The following ZPBP variants were observed in gnomAD, a reference collection of about 807,000 sequenced individuals.
ZPBP encodes zona pellucida-binding protein 1.
A neutral mutation model predicts 44.8 loss-of-function variants in ZPBP; 26 were observed. The observed-to-expected ratio is 0.58, with a 90% CI of 0.43 to 0.81. The LOEUF is 0.81. Ranked by LOEUF, ZPBP falls within the 30% of genes least tolerant of loss-of-function variation. ZPBP has a pLI of 0.00. For missense variants in ZPBP, 409 were observed against 434.0 expected (o/e 0.94, Z 0.51); for synonymous variants, 174 against 153.2 (o/e 1.14, Z -1.00).
intron 2 of ZPBP, among the ~76,000 whole-genome samples, chr7:49,860,892 G>A (rs1324362500): frequency 6.6e-6 from 1 of 152,218 alleles, no homozygotes; most frequent in Non-Finnish European, 1.5e-5. Context: ...GCCAAGGGGA[G>A]AGGCCTCAGC....
chr7:50,007,824 T>G (rs1218026724), intron 6 of ZPBP, among the ~76,000 whole-genome samples: 1 of 151,906 alleles, frequency 6.6e-6, no homozygotes, highest in African/African-American at 2.4e-5. Context: ...TAATGCACTT[T>G]CATAATAAAA....
chr7:49,963,750 C>A (rs372235902), intron 7 of ZPBP, among the ~76,000 whole-genome samples: 361 of 151,804 alleles, frequency 2.4e-3, no homozygotes, highest in Non-Finnish European at 3.6e-3. Context: ...TACTGTCTCA[C>A]AAAGAAAGCT....
chr7:49,986,457 G>C (rs1046378234), intron 6 of ZPBP, among the ~76,000 whole-genome samples: 16 of 152,272 alleles, frequency 1.1e-4, no homozygotes, highest in Admixed American at 4.6e-4. Context: ...AGGCTGGCCA[G>C]CATTCCCTGC....
chr7:50,023,878 C>T (rs1158051719), intron 5 of ZPBP, among the ~76,000 whole-genome samples: 3 of 151,598 alleles, frequency 2.0e-5, no homozygotes, highest in African/African-American at 7.3e-5. Context: ...TTTGATGAGC[C>T]CATCAGTGGG....
chr7:50,084,622 T>C (rs1056787058), intron 2 of ZPBP, among the ~76,000 whole-genome samples: 1 of 151,922 alleles, frequency 6.6e-6, no homozygotes, highest in African/African-American at 2.4e-5. Context: ...GTCAGTATAT[T>C]ATGGGCCAAA....
rs559900560 is a variant in ZPBP, at chr7:49,987,360, T to C, written c.784-3841A>G. Among the ~76,000 whole-genome samples the C allele has an allele frequency of 8.1e-4, 124 of 152,338 alleles. 1 individual carries two copies. Among genetic ancestry groups the C allele is most frequent in the Middle Eastern group, 6.8e-3 (2 of 294 alleles). On this transcript the variant is annotated intron_variant, in intron 6 of 7. Transcript: ENST00000046087. Reference sequence around the variant, plus strand: ...AGATTTTTTTCTCAGTCGACTAAACTATTTTTCTCCATTTTGCCTTGCCTA... The same window carrying C: ...AGATTTTTTTCTCAGTCGACTAAACCATTTTTCTCCATTTTGCCTTGCCTA...
intron 7 of ZPBP, among the ~76,000 whole-genome samples, chr7:49,981,124 G>C (rs891295018): frequency 2.1e-5 from 3 of 142,802 alleles, no homozygotes; most frequent in Non-Finnish European, 4.5e-5. Flanking sequence ...TTTTAAAATT[G>C]TGATTATATA....
chr7:49,949,411 C>T (rs1456047691), intron 7 of ZPBP, among the ~76,000 whole-genome samples: 10 of 152,072 alleles, frequency 6.6e-5, no homozygotes, highest in Admixed American at 2.0e-4. Flanking sequence ...AAATGAAAAA[C>T]AAAATGTGTG....
chr7:49,869,479 T>C (rs1462031012), intron 2 of ZPBP, among the ~76,000 whole-genome samples: 2 of 152,218 alleles, frequency 1.3e-5, no homozygotes, highest in Non-Finnish European at 2.9e-5. Flanking sequence ...AATTATCTTG[T>C]ATATTACAAA....
chr7:50,048,837 T>C (rs1285115239), intron 4 of ZPBP, among the ~76,000 whole-genome samples: 1 of 151,738 alleles, frequency 6.6e-6, no homozygotes. Flanking sequence ...TAATAAAGAC[T>C]TCAGCAGAGA....
intron 7 of ZPBP, chr7:49,943,415 G>T (rs1562790651): frequency 1.2e-5 from 5 of 406,756 alleles, no homozygotes; most frequent in South Asian, 8.4e-5. Context: ...TCTACAATGG[G>T]GACCACATTG....
Position 50,058,139 on chromosome 7 carries a change from C to G in ZPBP, c.337G>C (p.Glu113Gln). 6.2e-7 allele frequency: 1 copy of G among 1,613,562 alleles called. No individual in the cohort carries two copies. The highest frequency in any genetic ancestry group is 8.5e-7 in the Non-Finnish European group (1 of 1,179,750). The change falls in exon 4 of 8, where the codon GAA becomes CAA. Residue 113 changes from glutamate to glutamine, a missense_variant and splice_region_variant. Coordinates refer to ENST00000046087, the MANE Select transcript of ZPBP (RefSeq NM_007009.3). ...GATGTTATTTGTGCAGTGCGGTTTT[C>G]TACTAAAGGAATAAGATACAGTTAC... ...YGPKGKVVSV[E>Q]NRTAQITSTG...
At chr7:49,955,902 A>G (rs920185826) in intron 7 of ZPBP, among the ~76,000 whole-genome samples, 17 of 152,212 alleles carry the variant, frequency 1.1e-4, no homozygotes, top group Non-Finnish European at 4.4e-5. Context: ...TCTTGAGGAT[A>G]TACATTATCA....
At chr7:49,987,475 T>G (rs1292194787) in intron 6 of ZPBP, among the ~76,000 whole-genome samples, 1 of 152,204 alleles carries the variant, frequency 6.6e-6, no homozygotes, top group East Asian at 1.9e-4. Flanking sequence ...AATTCCATTT[T>G]GGGAGAGACC....
chr7:49,966,873 A>C, intron 7 of ZPBP, among the ~76,000 whole-genome samples: 1 of 152,046 alleles, frequency 6.6e-6, no homozygotes, highest in East Asian at 1.9e-4. Context: ...AATGGTGTAA[A>C]TTCCCATGGC....
At chr7:50,034,332 G>A (rs1032136226) in intron 4 of ZPBP, among the ~76,000 whole-genome samples, 1 of 151,824 alleles carries the variant, frequency 6.6e-6, no homozygotes, top group East Asian at 1.9e-4. Flanking sequence ...TTTTCCTAAA[G>A]CCCCCTGCAA....
At chr7:49,843,758 G>A in the ZPBP span, among the ~76,000 whole-genome samples, 1 of 152,210 alleles carries the variant, frequency 6.6e-6, no homozygotes, top group African/African-American at 2.4e-5. Context: ...GATTTGAAAT[G>A]TTGCCCCCAG....
At chr7:50,039,020 G>A (rs142293295) in intron 4 of ZPBP, among the ~76,000 whole-genome samples, 42 of 152,282 alleles carry the variant, frequency 2.8e-4, no homozygotes, top group African/African-American at 9.9e-4. Flanking sequence ...TATCTAAAAT[G>A]TGAAGTTTCT....
intron 6 of ZPBP, among the ~76,000 whole-genome samples, chr7:49,986,487 T>C (rs1054824696): frequency 6.6e-6 from 1 of 152,190 alleles, no homozygotes; most frequent in Non-Finnish European, 1.5e-5. Flanking sequence ...ATCCACAGTG[T>C]CTTCCCCTCC....
Sources: allele counts gnomAD v4.1 joint callset (sites outside exome capture counted in the v4.1 genomes callset), GRCh38; gene constraint gnomAD v4.1.1; transcripts MANE v1.5; gene names NCBI Gene and HGNC (gene_info 2026-07-23, HGNC 2026-07-21).